The following SOX6 variants were observed in gnomAD, a reference collection of about 807,000 sequenced individuals.
SOX6 encodes transcription factor SOX-6.
Under a neutral mutation model 97.8 loss-of-function variants are expected in SOX6, and 11 were observed. That is an observed-to-expected ratio of 0.11 (90% CI 0.07 to 0.19). The LOEUF is 0.19. Ranked by LOEUF, SOX6 falls within the 10% of genes least tolerant of loss-of-function variation. SOX6 has a pLI of 1.00. For missense variants in SOX6, 810 were observed against 1,039.5 expected (o/e 0.78, Z 3.04); for synonymous variants, 360 against 371.4 (o/e 0.97, Z 0.35).
intron 12 of SOX6, among the ~76,000 whole-genome samples, chr11:16,035,467 T>C (rs932037733): frequency 1.3e-5 from 2 of 152,212 alleles, no homozygotes; most frequent in Non-Finnish European, 2.9e-5. Context: ...GACATTTTAG[T>C]GATTGTTATT....
intron 12 of SOX6, among the ~76,000 whole-genome samples, chr11:16,016,871 T>G (rs2133865147): frequency 6.6e-6 from 1 of 152,182 alleles, no homozygotes; most frequent in African/African-American, 2.4e-5. Flanking sequence ...GAACAACCTT[T>G]AACTGTATTT....
rs188332096 is a variant in SOX6, at chr11:16,084,638, T to C, written c.1101+11358A>G. 5.3e-5 allele frequency among the ~76,000 whole-genome samples: 8 copies of C among 152,304 alleles called. No individual in the cohort carries two copies. The East Asian group carries it at 1.5e-3, about 30-fold the overall frequency. On this transcript the variant is annotated intron_variant, in intron 9 of 15. Transcript: ENST00000683767. ...AGCTTTTTTAACTGCAGAATTCTTA[T>C]GGAACCAAGAAGCACCACTTTCCTG...
chr11:16,475,173 C>T (rs1860210862), intron 1 of SOX6, among the ~76,000 whole-genome samples: 1 of 152,202 alleles, frequency 6.6e-6, no homozygotes, highest in Non-Finnish European at 1.5e-5. Context: ...GGTCTTCTAT[C>T]CAGACTGCTC....
At chr11:16,052,276 C>T (rs1222528822) in intron 10 of SOX6, among the ~76,000 whole-genome samples, 1 of 152,092 alleles carries the variant, frequency 6.6e-6, no homozygotes, top group Admixed American at 6.6e-5. Context: ...CCTGCCCTGG[C>T]CTGACAACTT....
intron 4 of SOX6, among the ~76,000 whole-genome samples, chr11:16,561,056 A>T (rs952136489): frequency 1.3e-5 from 2 of 152,100 alleles, no homozygotes; most frequent in Non-Finnish European, 2.9e-5. Context: ...AAATCTCAGA[A>T]ATCACTACTA....
At chr11:16,589,092 T>C (rs1012188439) in intron 4 of SOX6, among the ~76,000 whole-genome samples, 1 of 152,138 alleles carries the variant, frequency 6.6e-6, no homozygotes, top group Non-Finnish European at 1.5e-5. Context: ...CAATCTGTAG[T>C]CCTACTTCCT....
chr11:16,042,866 T>G (rs1350995356), intron 12 of SOX6, among the ~76,000 whole-genome samples: 1 of 152,162 alleles, frequency 6.6e-6, no homozygotes, highest in African/African-American at 2.4e-5. Flanking sequence ...AGGACACATG[T>G]GTACAGATGT....
At chr11:16,458,953 A>G (rs12289169) in intron 1 of SOX6, among the ~76,000 whole-genome samples, 3,757 of 152,178 alleles carry the variant, frequency 0.025, 138 homozygotes, top group African/African-American at 0.078. Flanking sequence ...TTTGTAGAGC[A>G]GAGCAATGGC....
chr11:16,420,321 A>G, intron 1 of SOX6, among the ~76,000 whole-genome samples: 1 of 152,176 alleles, frequency 6.6e-6, no homozygotes, highest in East Asian at 1.9e-4. Flanking sequence ...AGTATTTGAG[A>G]TGAATATTTG....
intron 4 of SOX6, among the ~76,000 whole-genome samples, chr11:16,197,989 G>A (rs892053296): frequency 7.2e-5 from 11 of 151,942 alleles, no homozygotes; most frequent in East Asian, 3.9e-4. Flanking sequence ...TAGGACATTC[G>A]TCACAAATTC....
intron 14 of SOX6, among the ~76,000 whole-genome samples, chr11:15,988,082 T>C (rs1853925468): frequency 1.3e-5 from 2 of 152,208 alleles, no homozygotes; most frequent in South Asian, 2.1e-4. Flanking sequence ...ATTTAAAAAA[T>C]TAAAACCACA....
At chr11:16,358,755 C>T (rs1284060873), upstream of SOX6, among the ~76,000 whole-genome samples, 1 of 152,122 alleles carries the variant, frequency 6.6e-6, no homozygotes, top group Non-Finnish European at 1.5e-5. Flanking sequence ...AATCCCTTTT[C>T]TCTGGCCTCA....
chr11:16,279,334 C>G (rs1275149658), intron 3 of SOX6, among the ~76,000 whole-genome samples: 1 of 151,996 alleles, frequency 6.6e-6, no homozygotes, highest in Non-Finnish European at 1.5e-5. Context: ...CTCATTTTAA[C>G]CTATACAAGG....
intron 4 of SOX6, among the ~76,000 whole-genome samples, chr11:16,482,520 C>T (rs1054510445): frequency 1.7e-4 from 26 of 152,164 alleles, no homozygotes; most frequent in African/African-American, 6.3e-4. Flanking sequence ...TACTAATTTG[C>T]TCTTGGAAGC....
intron 9 of SOX6, among the ~76,000 whole-genome samples, chr11:16,074,739 A>G (rs962530175): frequency 1.5e-4 from 23 of 152,192 alleles, no homozygotes; most frequent in African/African-American, 4.6e-4. Context: ...GAATGGAAAA[A>G]CATTCCTTGC....
At chr11:16,490,343 C>A (rs1182473705) in intron 4 of SOX6, among the ~76,000 whole-genome samples, 1 of 151,992 alleles carries the variant, frequency 6.6e-6, no homozygotes, top group Non-Finnish European at 1.5e-5. Flanking sequence ...ATCTAAATAG[C>A]TCTCTTATCT....
intron 4 of SOX6, among the ~76,000 whole-genome samples, chr11:16,509,394 C>A (rs1219260842): frequency 6.6e-6 from 1 of 151,930 alleles, no homozygotes; most frequent in Non-Finnish European, 1.5e-5. Context: ...ATATTAATTG[C>A]AAGCATCTTT....
intron 4 of SOX6, among the ~76,000 whole-genome samples, chr11:16,506,553 G>T (rs980375516): frequency 5.9e-5 from 9 of 152,214 alleles, no homozygotes; most frequent in African/African-American, 2.2e-4. Flanking sequence ...TGCTAAGAAG[G>T]CATGATTGTG....
At position 16,305,242 on chromosome 11, in the gene SOX6, T is replaced by C. The variant is rs140100169; in HGVS notation, c.445+13204A>G. On this transcript the variant is annotated intron_variant, in intron 3 of 15. Transcript: ENST00000683767. ...AAAATAAAACAATCCAATTAGAAAA[T>C]AGACCGAAAACATGAGAAGACATTT... is the stretch of plus-strand genomic sequence containing the variant. Among the ~76,000 whole-genome samples the C allele has an allele frequency of 1.5e-4, 23 of 152,014 alleles. No homozygotes were observed. The East Asian group carries it at 4.4e-3, about 29-fold the overall frequency.
Sources: allele counts gnomAD v4.1 joint callset (sites outside exome capture counted in the v4.1 genomes callset), GRCh38; gene constraint gnomAD v4.1.1; transcripts MANE v1.5; gene names NCBI Gene and HGNC (gene_info 2026-07-23, HGNC 2026-07-21).